The following MYH16 variants were observed in gnomAD, a reference collection of about 807,000 sequenced individuals.
MYH16 encodes the protein putative uncharacterized protein MYH16.
At chr7:99,286,617 C>T (rs575267536) in intron 28 of MYH16, 4 of 152,312 alleles carry the variant, frequency 2.6e-5, no homozygotes, top group South Asian at 2.1e-4. Flanking sequence ...AAGACCAGTT[C>T]GTTCTTGCTA....
downstream of MYH16, among the ~76,000 whole-genome samples, chr7:99,308,380 A>G (rs1420349852): frequency 6.6e-6 from 1 of 151,660 alleles, no homozygotes; most frequent in Non-Finnish European, 1.5e-5. Context: ...CTAGGAGAGG[A>G]ACAATCAGAA....
At chr7:99,284,308 A>G (rs1181940384) in intron 25 of MYH16, among the ~76,000 whole-genome samples, 1 of 152,172 alleles carries the variant, frequency 6.6e-6, no homozygotes, top group Non-Finnish European at 1.5e-5. Context: ...GCCTATGACC[A>G]TGTTGGGTAC....
At position 99,242,242 on chromosome 7, in the gene MYH16, A is replaced by G. The variant is rs1394600316; in HGVS notation, n.211-1036A>G. On this transcript the variant is annotated intron_variant and non_coding_transcript_variant, in intron 1 of 41. Coordinates refer to ENST00000439784, the Ensembl canonical transcript of MYH16. Reference sequence around the variant, plus strand: ...ACATGGCACGGGCGCGAACACACCTACTGATGAATGCTCATTGCTGGTTTC... The same window carrying G: ...ACATGGCACGGGCGCGAACACACCTGCTGATGAATGCTCATTGCTGGTTTC... Among the ~76,000 whole-genome samples, 8 of 152,054 alleles carry G rather than the reference A, an allele frequency of 5.3e-5. No individual in the cohort carries two copies. In the South Asian group the frequency reaches 1.7e-3, roughly 32 times the overall value.
chr7:99,287,781 T>C lies in MYH16; in HGVS notation n.3461-111T>C, dbSNP rs1374199232. Reference sequence around the variant, plus strand: ...AAACATTGGCATTTCAAGCAGGACTTCTTTTAGCGAGGTACAGGAATATCA... The same window carrying C: ...AAACATTGGCATTTCAAGCAGGACTCCTTTTAGCGAGGTACAGGAATATCA... On this transcript the variant is annotated intron_variant and non_coding_transcript_variant, in intron 28 of 41. Transcript: ENST00000439784. 5 of 371,774 alleles carry C rather than the reference T, an allele frequency of 1.3e-5. No homozygotes were observed. The Admixed American group carries it at 1.4e-4, about 10-fold the overall frequency. The allele number at this position is 371,774 out of a possible 1,614,324, so 23.0% of individuals were successfully genotyped here.
At chr7:99,243,757 C>CCATCCATCTATCCATT (rs1467621756) in intron 2 of MYH16, among the ~76,000 whole-genome samples, 1 of 152,156 alleles carries the variant, frequency 6.6e-6, no homozygotes, top group Non-Finnish European at 1.5e-5. Flanking sequence ...AGAAGTCCAT[C>CCATCCATCTATCCATT]CATCCATCTA....
At chr7:99,297,554 C>T (rs1792519244) in intron 34 of MYH16, 106 bp from the exon 16 acceptor site, 1 of 377,286 alleles carries the variant, frequency 2.7e-6, no homozygotes, top group African/African-American at 2.1e-5. Flanking sequence ...GTCTGCAATC[C>T]TGGCACTTTG....
chr7:99,283,891 C>T (rs1055586270), exon 25 of MYH16: 2 of 455,970 alleles, frequency 4.4e-6, no homozygotes, highest in Non-Finnish European at 8.8e-6. Flanking sequence ...TAACTGGGAG[C>T]AGGAAAAGAA....
chr7:99,294,125 A>G (rs1307343566), exon 33 of MYH16: 1 of 456,422 alleles, frequency 2.2e-6, no homozygotes, highest in East Asian at 7.0e-5. Context: ...GCAGAAGTTG[A>G]GGACCTCACC....
intron 1 of MYH16, among the ~76,000 whole-genome samples, chr7:99,241,655 G>A (rs534248970): frequency 6.6e-6 from 1 of 152,234 alleles, no homozygotes; most frequent in East Asian, 1.9e-4. Context: ...AACCATTACG[G>A]GGAGTGGGGG....
intron 28 of MYH16, among the ~76,000 whole-genome samples, chr7:99,287,533 CAAAAA>C (rs397889162): frequency 4.3e-5 from 2 of 46,880 alleles, no homozygotes; most frequent in African/African-American, 6.7e-5. Flanking sequence ...AACTTCTTCT[CAAAAA>C]AAAAAAAAAA....
At chr7:99,290,301 T>C (rs370548976) in intron 30 of MYH16, among the ~76,000 whole-genome samples, 1 of 150,598 alleles carries the variant, frequency 6.6e-6, no homozygotes, top group East Asian at 1.9e-4. Flanking sequence ...CTGGGCAACA[T>C]AGCAAGACCC....
chr7:99,287,904 C>T (rs888046964), exon 29 of MYH16: 13 of 455,656 alleles, frequency 2.9e-5, no homozygotes, highest in South Asian at 7.7e-5. Context: ...CGAGCAGAAC[C>T]GCAAGCGGGA....
chr7:99,270,262 A>G (rs1792031542), intron 18 of MYH16, among the ~76,000 whole-genome samples: 1 of 151,694 alleles, frequency 6.6e-6, no homozygotes, highest in Non-Finnish European at 1.5e-5. Flanking sequence ...ACTTGAGTCC[A>G]GTAGTTCAAG....
intron 19 of MYH16, among the ~76,000 whole-genome samples, chr7:99,271,909 C>G (rs146229697): frequency 3.9e-4 from 59 of 152,216 alleles, no homozygotes; most frequent in African/African-American, 5.1e-4. Context: ...GTTGCCTAGG[C>G]TCATTTCAAA....
intron 11 of MYH16, chr7:99,260,091 G>A: frequency 5.9e-6 from 8 of 1,355,054 alleles, no homozygotes; most frequent in South Asian, 2.4e-5. Context: ...GCTTGTGGTC[G>A]CTTCATTCAA....
At chr7:99,291,111 C>A (rs936777457) in intron 30 of MYH16, 3 of 284,074 alleles carry the variant, frequency 1.1e-5, no homozygotes, top group Admixed American at 9.5e-5. Context: ...TGCAGGTTAC[C>A]TGGATCTTGG....
chr7:99,253,378 A>C (rs1791834153), intron 7 of MYH16: 1 of 151,920 alleles, frequency 6.6e-6, no homozygotes, highest in South Asian at 2.1e-4. Context: ...TAAATGAATA[A>C]ATAAATAATC....
intron 34 of MYH16, 34 bp downstream of exon 15, chr7:99,296,951 G>A (rs1240019847): frequency 2.2e-6 from 1 of 452,910 alleles, no homozygotes; most frequent in Non-Finnish European, 4.5e-6. Flanking sequence ...GGATGGGCCT[G>A]TAGGGAGGGG....
exon 14 of MYH16, chr7:99,263,422 C>A: frequency 6.5e-6 from 1 of 153,330 alleles, no homozygotes. Context: ...TCGAGTGTGG[C>A]AATCCTGGCC....
Sources: allele counts gnomAD v4.1 joint callset (sites outside exome capture counted in the v4.1 genomes callset), GRCh38; gene constraint gnomAD v4.1.1; transcripts MANE v1.5; gene names NCBI Gene and HGNC (gene_info 2026-07-23, HGNC 2026-07-21).